The following DDX60L variants were observed in gnomAD, a reference collection of about 807,000 sequenced individuals.
The protein encoded by DDX60L is DExD/H-box 60 like.
In DDX60L, 191 loss-of-function variants were observed where a neutral mutation model predicts 211.6. That is an observed-to-expected ratio of 0.90 (90% CI 0.80 to 1.02). The LOEUF is 1.02. Ranked by LOEUF, DDX60L falls within the 50% of genes least tolerant of loss-of-function variation. The pLI, the probability that DDX60L is intolerant of heterozygous loss-of-function variation, is 0.00. For synonymous variants in DDX60L, 706 were observed against 694.1 expected, an observed-to-expected ratio of 1.02 and a Z score of -0.27; for missense variants, 2,007 against 1,984.1, an observed-to-expected ratio of 1.01 and a Z score of -0.22.
intron 12 of DDX60L, 49 bp from the exon 13 acceptor site, chr4:168,430,687 A>G: frequency 7.3e-7 from 1 of 1,374,246 alleles, no homozygotes. Flanking sequence ...AAATATTGCT[A>G]TATATGTGTG....
chr4:168,432,868 C>T (rs1412087816), intron 11 of DDX60L, 142 bp downstream of exon 11: 1 of 496,330 alleles, frequency 2.0e-6, no homozygotes, highest in African/African-American at 2.0e-5. Context: ...ATGTTACAAT[C>T]ACTTAAATGT....
At chr4:168,369,888 C>A (rs1023484657) in intron 36 of DDX60L, among the ~76,000 whole-genome samples, 1 of 152,066 alleles carries the variant, frequency 6.6e-6, no homozygotes, top group African/African-American at 2.4e-5. Flanking sequence ...CTCTAGTTAG[C>A]ATGGCTATTA....
chr4:168,466,318 G>A (rs1757984008), intron 4 of DDX60L, among the ~76,000 whole-genome samples: 1 of 151,824 alleles, frequency 6.6e-6, no homozygotes, highest in Admixed American at 6.6e-5. Flanking sequence ...TCAAGAAGAG[G>A]GAAGACACAA....
intron 30 of DDX60L, among the ~76,000 whole-genome samples, chr4:168,382,273 C>T (rs1743103771): frequency 2.0e-5 from 3 of 152,182 alleles, no homozygotes; most frequent in Admixed American, 2.0e-4. Flanking sequence ...TGCATCCATT[C>T]TTTAAAAAGC....
intron 36 of DDX60L, among the ~76,000 whole-genome samples, chr4:168,363,162 C>T (rs969059052): frequency 2.0e-5 from 3 of 152,030 alleles, no homozygotes; most frequent in Admixed American, 6.6e-5. Context: ...ATATTCAAAG[C>T]GCTGAAAGAA....
intron 17 of DDX60L, 97 bp from the exon 18 acceptor site, chr4:168,420,477 C>T (rs1039653232): frequency 1.3e-5 from 3 of 239,030 alleles, no homozygotes; most frequent in Non-Finnish European, 1.5e-5. Flanking sequence ...CACACACACA[C>T]ACACACACAC....
chr4:168,413,755 G>A (rs1236664668), intron 22 of DDX60L, among the ~76,000 whole-genome samples: 2 of 152,034 alleles, frequency 1.3e-5, no homozygotes, highest in South Asian at 2.1e-4. Flanking sequence ...CCTCAAAAGG[G>A]CAAATCTAAG....
intron 10 of DDX60L, among the ~76,000 whole-genome samples, chr4:168,440,112 C>A (rs963429899): frequency 7.9e-5 from 12 of 152,170 alleles, no homozygotes; most frequent in African/African-American, 2.9e-4. Flanking sequence ...GTAATCCCAG[C>A]AGTTTGGGAG....
chr4:168,416,097 A>G (rs1565268), intron 20 of DDX60L, among the ~76,000 whole-genome samples: 132,112 of 152,206 alleles, frequency 0.87, 57,498 homozygotes, highest in Middle Eastern at 0.94. Flanking sequence ...GCTTGTTACC[A>G]GTGCTGCTGT....
chr4:168,425,029 GC>G (rs374540078), intron 14 of DDX60L, among the ~76,000 whole-genome samples: 312 of 152,254 alleles, frequency 2.0e-3, no homozygotes, highest in Non-Finnish European at 2.9e-3. Context: ...CATGGCTGTA[GC>G]ATCAGCCACC....
At chr4:168,421,952 C>G in intron 16 of DDX60L, 43 bp from the exon 17 acceptor site, 1 of 1,612,288 alleles carries the variant, frequency 6.2e-7, no homozygotes, top group Non-Finnish European at 8.5e-7. Flanking sequence ...AAGTGAACAG[C>G]ATGTTACCAA....
At chr4:168,385,511 A>G (rs1361883306) in intron 29 of DDX60L, among the ~76,000 whole-genome samples, 1 of 152,218 alleles carries the variant, frequency 6.6e-6, no homozygotes, top group Non-Finnish European at 1.5e-5. Flanking sequence ...AGAGGGGGTC[A>G]TGGGAACCCC....
chr4:168,366,259 CT>C (rs1025223609), intron 36 of DDX60L, among the ~76,000 whole-genome samples: 8 of 152,114 alleles, frequency 5.3e-5, no homozygotes, highest in African/African-American at 1.9e-4. Flanking sequence ...TAATGAAAAA[CT>C]GCTAGAACTG....
In DDX60L at chr4:168,433,057, A is replaced by G. The variant is rs747412069; in HGVS notation, c.1353T>C (p.Ile451=). Residue 451 remains isoleucine, a synonymous_variant, in exon 11 of 38, where the codon ATT becomes ATC. Coordinates refer to ENST00000682922, the MANE Select transcript of DDX60L (RefSeq NM_001012967.3). Reference sequence around the variant, plus strand: ...TCATCATATCTCCAACAAACTCATCAATTACAGCAGATGTCATTGGAATAA... The same window carrying G: ...TCATCATATCTCCAACAAACTCATCGATTACAGCAGATGTCATTGGAATAA... ...VGFIPMTSAV[I]DEFVGDMMKD... 1 of 1,610,188 alleles carries G rather than the reference A, an allele frequency of 6.2e-7. No homozygotes were observed. The highest frequency in any genetic ancestry group is 8.5e-7 in the Non-Finnish European group (1 of 1,177,930).
intron 18 of DDX60L, 30 bp from the exon 19 acceptor site, chr4:168,419,427 C>G: frequency 6.7e-7 from 1 of 1,483,330 alleles, no homozygotes; most frequent in Non-Finnish European, 9.2e-7. Context: ...GTGTAGCTAA[C>G]TTTATGGAGC....
chr4:168,382,491 A>G (rs1208219598), intron 30 of DDX60L, among the ~76,000 whole-genome samples: 1 of 151,996 alleles, frequency 6.6e-6, no homozygotes, highest in Non-Finnish European at 1.5e-5. Context: ...TATATTTAAA[A>G]TATAATTTTT....
Position 168,419,257 on chromosome 4 carries a change from G to C in DDX60L, c.2610+45C>G, listed in dbSNP as rs369182585. ...TTCTTTAAATTACAAATTATAGGGT[G>C]TATGCAGACTAGAACATCAACCAGA... On this transcript the variant is annotated intron_variant, in intron 19 of 37. Coordinates refer to ENST00000682922, the MANE Select transcript of DDX60L (RefSeq NM_001012967.3). 1.0e-5 allele frequency: 14 copies of C among 1,339,140 alleles called. No individual in the cohort carries two copies. In the East Asian group the frequency reaches 1.3e-4, roughly 12 times the overall value. The allele number at this position is 1,339,140 out of a possible 1,614,324, so 83.0% of individuals were successfully genotyped here.
In DDX60L at chr4:168,433,108, G is replaced by T; in HGVS notation, c.1302C>A (p.Ser434=). ...AGCCCACACTAGGCATCTTTTCCAA[G>T]GAGATTTCTGAAAACAAATATAAAT... ...RQEKSVIQEI[S]LEKMPSVGFI... Residue 434 remains serine, a synonymous_variant, in exon 11 of 38, where the codon TCC becomes TCA. Transcript: ENST00000682922. 1 of 1,597,756 alleles carries T rather than the reference G, an allele frequency of 6.3e-7. No homozygotes were observed.
chr4:168,379,694 AC>A, intron 31 of DDX60L, 31 bp downstream of exon 31: 4 of 1,544,100 alleles, frequency 2.6e-6, no homozygotes, highest in Non-Finnish European at 3.6e-6. Context: ...GGTACTAGTT[AC>A]AGAGAACAAA....
Sources: allele counts gnomAD v4.1 joint callset (sites outside exome capture counted in the v4.1 genomes callset), GRCh38; gene constraint gnomAD v4.1.1; transcripts MANE v1.5; gene names NCBI Gene and HGNC (gene_info 2026-07-23, HGNC 2026-07-21).